Variants in RPS6KC1 observed in about 807,000 individuals in gnomAD.
The protein encoded by RPS6KC1 is inactive ribosomal protein S6 kinase delta-1.
Under a neutral mutation model 103.8 loss-of-function variants are expected in RPS6KC1, and 54 were observed. The observed-to-expected ratio is 0.52, with a 90% confidence interval of 0.42 to 0.65. RPS6KC1 has a LOEUF of 0.65. Ranked by LOEUF, RPS6KC1 falls within the 30% of genes least tolerant of loss-of-function variation. The probability of loss-of-function intolerance (pLI) is 0.00; values close to 1 mark genes in which losing one functional copy is unlikely to be tolerated. For synonymous variants in RPS6KC1, 439 were observed against 438.7 expected, an observed-to-expected ratio of 1.00 and a Z score of -0.01; for missense variants, 1,151 against 1,253.8, an observed-to-expected ratio of 0.92 and a Z score of 1.24.
the RPS6KC1 span, among the ~76,000 whole-genome samples, chr1:213,625,350 T>G: frequency 6.6e-6 from 1 of 152,236 alleles, no homozygotes; most frequent in Non-Finnish European, 1.5e-5. Flanking sequence ...AATATTCTTT[T>G]TAATATATAA....
the RPS6KC1 span, among the ~76,000 whole-genome samples, chr1:213,700,323 A>G: frequency 6.6e-6 from 1 of 151,736 alleles, no homozygotes; most frequent in Non-Finnish European, 1.5e-5. Context: ...TCCCTTGTGT[A>G]TGTTCTTGAC....
the RPS6KC1 span, among the ~76,000 whole-genome samples, chr1:213,285,780 G>C: frequency 6.6e-6 from 1 of 152,062 alleles, no homozygotes; most frequent in African/African-American, 2.4e-5. Context: ...GGGGCTTTGG[G>C]GGAAGTAATA....
chr1:213,742,629 T>C, the RPS6KC1 span, among the ~76,000 whole-genome samples: 2 of 152,346 alleles, frequency 1.3e-5, no homozygotes, highest in Non-Finnish European at 2.9e-5. Context: ...ATGTTAACAA[T>C]GTATGTAGGC....
chr1:213,079,605 A>G (rs1043432936), intron 3 of RPS6KC1, among the ~76,000 whole-genome samples: 4 of 151,920 alleles, frequency 2.6e-5, no homozygotes, highest in African/African-American at 9.7e-5. Context: ...TTTTGTAGAA[A>G]TGGGGTTTCA....
chr1:213,235,077 T>C (rs2094192896), intron 10 of RPS6KC1, among the ~76,000 whole-genome samples: 1 of 152,228 alleles, frequency 6.6e-6, no homozygotes, highest in Non-Finnish European at 1.5e-5. Flanking sequence ...AAAGTAACTT[T>C]TCATATGTGT....
At chr1:213,692,367 C>A in the RPS6KC1 span, among the ~76,000 whole-genome samples, 1 of 146,322 alleles carries the variant, frequency 6.8e-6, no homozygotes. Context: ...TACACTCTAG[C>A]CTGGGAGTGA....
chr1:213,123,024 G>A (rs916746537), intron 5 of RPS6KC1, among the ~76,000 whole-genome samples: 1 of 152,098 alleles, frequency 6.6e-6, no homozygotes, highest in South Asian at 2.1e-4. Flanking sequence ...AAAATTCATG[G>A]TATGCCATGG....
At chr1:213,632,962 A>ATC in the RPS6KC1 span, among the ~76,000 whole-genome samples, 2 of 152,258 alleles carry the variant, frequency 1.3e-5, no homozygotes, top group Non-Finnish European at 2.9e-5. Context: ...TTGAAGATCA[A>ATC]ATTAATTAAA....
chr1:213,627,696 A>G, the RPS6KC1 span, among the ~76,000 whole-genome samples: 1 of 152,156 alleles, frequency 6.6e-6, no homozygotes. Context: ...GGTTTTTGTC[A>G]TTGGTTCTGT....
At chr1:213,360,344 T>G in the RPS6KC1 span, among the ~76,000 whole-genome samples, 1 of 152,238 alleles carries the variant, frequency 6.6e-6, no homozygotes, top group Non-Finnish European at 1.5e-5. Context: ...TCCAGTTGAT[T>G]GAATCGGCTA....
intron 1 of RPS6KC1, among the ~76,000 whole-genome samples, chr1:213,062,165 AT>A (rs1421488526): frequency 6.6e-6 from 1 of 152,184 alleles, no homozygotes; most frequent in African/African-American, 2.4e-5. Context: ...ATGCTCCAAA[AT>A]CTAAAACTTT....
intron 5 of RPS6KC1, 54 bp from the exon 6 acceptor site, chr1:213,129,473 C>T (rs1054441923): frequency 9.4e-6 from 14 of 1,494,354 alleles, no homozygotes; most frequent in African/African-American, 2.8e-5. Context: ...GATTTGTATT[C>T]GTTTGGCTGA....
chr1:213,804,749 T>C, the RPS6KC1 span, among the ~76,000 whole-genome samples: 1 of 152,228 alleles, frequency 6.6e-6, no homozygotes, highest in Non-Finnish European at 1.5e-5. Flanking sequence ...TTAAAATAGC[T>C]CTTGTATAAT....
the RPS6KC1 span, among the ~76,000 whole-genome samples, chr1:213,675,145 T>G: frequency 1.3e-5 from 2 of 152,236 alleles, no homozygotes; most frequent in Admixed American, 6.5e-5. Context: ...TCTTAAAATC[T>G]TTAAGCTCTT....
chr1:213,363,621 GCTTGCTTTCTTTCTTTCTTT>G, the RPS6KC1 span, among the ~76,000 whole-genome samples: 561 of 85,832 alleles, frequency 6.5e-3, 16 homozygotes, highest in South Asian at 0.025. Flanking sequence ...TTGCTTGCTT[GCTTGCTTTCTTTCTTTCTTT>G]CTTTCTTTCT....
intron 8 of RPS6KC1, among the ~76,000 whole-genome samples, chr1:213,191,269 C>A (rs1304604519): frequency 6.6e-6 from 1 of 152,090 alleles, no homozygotes; most frequent in Non-Finnish European, 1.5e-5. Flanking sequence ...TCTTTTAATT[C>A]ATGAACATGG....
At chr1:213,580,076 A>C in the RPS6KC1 span, among the ~76,000 whole-genome samples, 455 of 152,200 alleles carry the variant, frequency 3.0e-3, 5 homozygotes, top group African/African-American at 0.01. Context: ...TGCCATGGGT[A>C]GCGATTCCTC....
chr1:213,492,791 G>T, the RPS6KC1 span, among the ~76,000 whole-genome samples: 2 of 152,208 alleles, frequency 1.3e-5, no homozygotes, highest in Non-Finnish European at 1.5e-5. Context: ...TTTAAAGCTT[G>T]TATGTCCTTG....
the RPS6KC1 span, among the ~76,000 whole-genome samples, chr1:213,403,851 C>T: frequency 6.6e-6 from 1 of 151,676 alleles, no homozygotes; most frequent in African/African-American, 2.4e-5. Context: ...ATGGGTGAGG[C>T]CTGCCATTCC....
Sources: gnomAD v4.1 joint callset for allele counts (sites outside exome capture counted in the v4.1 genomes callset) on GRCh38, gnomAD v4.1.1 for gene constraint, MANE v1.5 for transcripts, NCBI Gene and HGNC (gene_info 2026-07-23, HGNC 2026-07-21) for gene names.